Variants in MTCL2 observed in about 807,000 individuals in gnomAD.
MTCL2 encodes the protein microtubule cross-linking factor 2.
At chr20:36,801,586 G>T in the MTCL2 span, among the ~76,000 whole-genome samples, 1 of 150,650 alleles carries the variant, frequency 6.6e-6, no homozygotes, top group East Asian at 2.0e-4. Flanking sequence ...AAAAAAAAAT[G>T]ACAAGAAAGG....
At chr20:36,802,026 C>G in the MTCL2 span, among the ~76,000 whole-genome samples, 3 of 151,952 alleles carry the variant, frequency 2.0e-5, no homozygotes, top group Non-Finnish European at 4.4e-5. Flanking sequence ...TGGCTCACTC[C>G]TGTAATCCCA....
At chr20:36,832,352 T>A in the MTCL2 span, among the ~76,000 whole-genome samples, 9 of 152,176 alleles carry the variant, frequency 5.9e-5, no homozygotes, top group Admixed American at 2.0e-4. Context: ...GTCCTCCACC[T>A]GGGGAGGCTA....
the MTCL2 span, chr20:36,828,873 A>C: frequency 1.5e-6 from 1 of 655,456 alleles, no homozygotes; most frequent in Non-Finnish European, 2.5e-6. Context: ...TCCAGCACAC[A>C]ATTTACACAG....
At chr20:36,823,092 G>A in the MTCL2 span, among the ~76,000 whole-genome samples, 1 of 152,140 alleles carries the variant, frequency 6.6e-6, no homozygotes, top group Non-Finnish European at 1.5e-5. Context: ...TGGGGTTGGG[G>A]GTGTACCTCA....
At chr20:36,809,092 G>A in the MTCL2 span, among the ~76,000 whole-genome samples, 1 of 152,216 alleles carries the variant, frequency 6.6e-6, no homozygotes, top group Non-Finnish European at 1.5e-5. Flanking sequence ...CGCATGGAGA[G>A]CAAAGGGCGT....
At chr20:36,863,103 GC>G in the MTCL2 span, 5 of 1,397,462 alleles carry the variant, frequency 3.6e-6, no homozygotes, top group South Asian at 1.4e-5. This position sits in a 1 kb window ranked among gnomAD's most constrained non-coding sequence, Gnocchi z 6.2. Flanking sequence ...CGCACCGCGC[GC>G]CCCGGGAGCC....
chr20:36,808,012 A>T, the MTCL2 span, among the ~76,000 whole-genome samples: 1 of 148,752 alleles, frequency 6.7e-6, no homozygotes, highest in Non-Finnish European at 1.5e-5. Flanking sequence ...AGTAGCTGGG[A>T]CTACAGGCAC....
the MTCL2 span, chr20:36,839,294 C>T: frequency 6.8e-6 from 11 of 1,612,286 alleles, no homozygotes; most frequent in East Asian, 2.2e-5. The surrounding 1 kb of genome is among the most constrained non-coding windows in gnomAD (Gnocchi z 5.1). Flanking sequence ...CTGCGGCGCT[C>T]GGCTTTGCGC....
the MTCL2 span, among the ~76,000 whole-genome samples, chr20:36,830,943 G>A: frequency 1.3e-5 from 2 of 152,318 alleles, no homozygotes; most frequent in African/African-American, 4.8e-5. Flanking sequence ...TGTCTGGGAT[G>A]TAGAACAGGC....
the MTCL2 span, chr20:36,812,904 G>GT: frequency 6.4e-7 from 1 of 1,558,044 alleles, no homozygotes; most frequent in South Asian, 1.2e-5. Flanking sequence ...GGCCCGAGGG[G>GT]TGCCAGAAAC....
the MTCL2 span, chr20:36,805,947 A>C: frequency 6.2e-7 from 1 of 1,605,228 alleles, no homozygotes; most frequent in Non-Finnish European, 8.5e-7. Flanking sequence ...CAGCTCCTTC[A>C]TGCTGTTCAC....
At chr20:36,815,481 G>A in the MTCL2 span, 1 of 1,597,510 alleles carries the variant, frequency 6.3e-7, no homozygotes, top group Non-Finnish European at 8.5e-7. The surrounding 1 kb of genome is among the most constrained non-coding windows in gnomAD (Gnocchi z 5.3). Flanking sequence ...TCTCAGCCCA[G>A]GCAGCACCTC....
At chr20:36,792,857 TAGACAGACAGACAGAC>T in the MTCL2 span, among the ~76,000 whole-genome samples, 60 of 137,598 alleles carry the variant, frequency 4.4e-4, no homozygotes, top group African/African-American at 1.0e-3. Context: ...GATAGATAGA[TAGACAGACAGACAGAC>T]AGACAGACAG....
chr20:36,827,559 T>C, the MTCL2 span, among the ~76,000 whole-genome samples: 1 of 151,956 alleles, frequency 6.6e-6, no homozygotes, highest in African/African-American at 2.4e-5. Flanking sequence ...CTCGAACTCC[T>C]AGGCTCAAGA....
chr20:36,815,472 C>T, the MTCL2 span: 24 of 1,601,730 alleles, frequency 1.5e-5, no homozygotes, highest in African/African-American at 2.7e-5. This position sits in a 1 kb window ranked among gnomAD's most constrained non-coding sequence, Gnocchi z 5.3. Context: ...GGCCTGCTCT[C>T]TCAGCCCAGG....
At chr20:36,827,866 A>G in the MTCL2 span, among the ~76,000 whole-genome samples, 1 of 152,134 alleles carries the variant, frequency 6.6e-6, no homozygotes, top group Non-Finnish European at 1.5e-5. Context: ...CGGTGTGAAG[A>G]TGGTGCTCCG....
At chr20:36,781,150 C>A in the MTCL2 span, 5 of 152,050 alleles carry the variant, frequency 3.3e-5, no homozygotes, top group African/African-American at 4.8e-5. Flanking sequence ...TTTTGAAAAT[C>A]CTGAGTAATT....
the MTCL2 span, among the ~76,000 whole-genome samples, chr20:36,813,073 G>A: frequency 6.6e-6 from 1 of 152,204 alleles, no homozygotes; most frequent in Non-Finnish European, 1.5e-5. Flanking sequence ...GTAGGTAAGT[G>A]CGAAGTGATT....
At chr20:36,803,162 CT>C in the MTCL2 span, 1 of 1,530,272 alleles carries the variant, frequency 6.5e-7, no homozygotes, top group Non-Finnish European at 8.8e-7. Flanking sequence ...CCTCTTGGCC[CT>C]TCTCTCTCCT....
Sources: gnomAD v4.1 joint callset for allele counts (sites outside exome capture counted in the v4.1 genomes callset) on GRCh38, gnomAD v4.1.1 for gene constraint, Gnocchi (gnomAD v3.1) non-coding constraint, MANE v1.5 for transcripts, NCBI Gene and HGNC (gene_info 2026-07-23, HGNC 2026-07-21) for gene names.